NBEA: variants seen among roughly 807,000 people sequenced by gnomAD.
The protein encoded by NBEA is neurobeachin.
Under a neutral mutation model 343.4 loss-of-function variants are expected in NBEA, and 44 were observed. That is an observed-to-expected ratio of 0.13 (90% confidence interval 0.10 to 0.16). The LOEUF is 0.16. Among genes scored for constraint, NBEA ranks in the 10% least tolerant of loss-of-function variants. The pLI, the probability that NBEA is intolerant of heterozygous loss-of-function variation, is 1.00. For synonymous variants in NBEA, 1,175 were observed against 1,238.7 expected (o/e 0.95, Z 1.08); for missense variants, 2,555 against 3,631.3 (o/e 0.70, Z 7.62).
chr13:35,095,166 A>T (rs186826513), intron 10 of NBEA, among the ~76,000 whole-genome samples: 24 of 151,858 alleles, frequency 1.6e-4, no homozygotes, highest in African/African-American at 4.3e-4. Flanking sequence ...TCTAAATAAT[A>T]TAAGTACCTC....
At chr13:35,467,199 T>C (rs932734947) in intron 40 of NBEA, among the ~76,000 whole-genome samples, 2 of 152,104 alleles carry the variant, frequency 1.3e-5, no homozygotes, top group African/African-American at 4.8e-5. Context: ...TATGGCCAGG[T>C]GCGGTGGCTC....
chr13:35,118,924 C>T (rs2066645737), intron 16 of NBEA, among the ~76,000 whole-genome samples: 1 of 151,300 alleles, frequency 6.6e-6, no homozygotes, highest in Non-Finnish European at 1.5e-5. Context: ...AAATGTTGTG[C>T]TCAGATTGCT....
At chr13:35,331,408 C>G (rs1304011913) in intron 36 of NBEA, among the ~76,000 whole-genome samples, 1 of 151,946 alleles carries the variant, frequency 6.6e-6, no homozygotes, top group African/African-American at 2.4e-5. Flanking sequence ...GAAATTAAGA[C>G]ATAGGGAAAA....
intron 38 of NBEA, among the ~76,000 whole-genome samples, chr13:35,415,898 C>A (rs146500997): frequency 0.013 from 2,053 of 152,234 alleles, 58 homozygotes; most frequent in African/African-American, 0.047. Flanking sequence ...TTTGTGTCCT[C>A]TTTTATTTCA....
Position 35,024,520 on chromosome 13 carries a change from C to G in NBEA, c.295-16413C>G, listed in dbSNP as rs545410830. Among the ~76,000 whole-genome samples the G allele has an allele frequency of 5.5e-4, 84 of 151,376 alleles. 1 individual carries two copies. Among genetic ancestry groups the G allele is most frequent in the Non-Finnish European group, 8.9e-5 (6 of 67,766 alleles). ...AACTTTGTCTCCACTGAAAAAAAAA[C>G]AAAACAAAAATTAGCCAGGTGTGGT... is the stretch of plus-strand genomic sequence containing the variant. On this transcript the variant is annotated intron_variant, in intron 1 of 58. Coordinates refer to ENST00000379939, the MANE Select transcript of NBEA (RefSeq NM_001385012.1).
At chr13:35,305,451 G>C (rs2036827237) in intron 35 of NBEA, among the ~76,000 whole-genome samples, 1 of 152,032 alleles carries the variant, frequency 6.6e-6, no homozygotes, top group Non-Finnish European at 1.5e-5. Flanking sequence ...GTCTTATTGA[G>C]CGCTTTTGGT....
intron 1 of NBEA, among the ~76,000 whole-genome samples, chr13:35,035,042 A>G (rs1566190790): frequency 6.6e-6 from 1 of 151,394 alleles, no homozygotes; most frequent in African/African-American, 2.4e-5. Flanking sequence ...GATCTTTATT[A>G]TTTCTTTTCT....
chr13:34,983,975 T>C (rs1379782724), intron 1 of NBEA, among the ~76,000 whole-genome samples: 1 of 152,210 alleles, frequency 6.6e-6, no homozygotes, highest in African/African-American at 2.4e-5. Flanking sequence ...GGTAGCCTGT[T>C]CACTCTGATG....
intron 34 of NBEA, among the ~76,000 whole-genome samples, chr13:35,271,011 G>T (rs1049103705): frequency 4.6e-5 from 7 of 152,224 alleles, no homozygotes; most frequent in African/African-American, 1.7e-4. Context: ...CCCCAGCATG[G>T]CATTTGAGCT....
intron 41 of NBEA, chr13:35,475,234 C>T: frequency 1.2e-6 from 2 of 1,613,882 alleles, no homozygotes; most frequent in Admixed American, 1.7e-5. Flanking sequence ...CAGCAAAATC[C>T]CGTTCAGCCG....
At chr13:34,961,111 T>C (rs2059647241) in intron 1 of NBEA, among the ~76,000 whole-genome samples, 1 of 152,046 alleles carries the variant, frequency 6.6e-6, no homozygotes, top group Non-Finnish European at 1.5e-5. Context: ...CGGTATGCAT[T>C]TTATATTTTA....
In NBEA at chr13:35,156,229, C is replaced by A. The variant is rs372181665; in HGVS notation, c.2651+23C>A. On this transcript the variant is annotated intron_variant, in intron 20 of 58. Coordinates refer to ENST00000379939, the MANE Select transcript of NBEA (RefSeq NM_001385012.1). ...AAGGTAAGCAGTTTGGATACTGTAA[C>A]AACACTTTATTCCATAATTAATATT... 19 of 1,530,094 alleles carry A rather than the reference C, an allele frequency of 1.2e-5. No individual in the cohort carries two copies. In the South Asian group the frequency reaches 1.6e-4, roughly 13 times the overall value. The allele number at this position is 1,530,094 out of a possible 1,614,324, so 94.8% of individuals were successfully genotyped here. A position where few individuals can be genotyped will look rare whatever the true frequency, so the allele number is the denominator to read the frequency against.
chr13:35,245,013 G>C (rs554015607), intron 34 of NBEA, among the ~76,000 whole-genome samples: 4 of 152,032 alleles, frequency 2.6e-5, no homozygotes, highest in African/African-American at 9.6e-5. Context: ...GGAGTCTTTA[G>C]GTTTTTCTTT....
chr13:35,042,860 C>T (rs1402902403), intron 2 of NBEA, among the ~76,000 whole-genome samples: 1 of 151,676 alleles, frequency 6.6e-6, no homozygotes, highest in Non-Finnish European at 1.5e-5. Flanking sequence ...CACTAAAACA[C>T]GACTAACAGT....
At chr13:35,308,209 A>G (rs2037027396) in intron 35 of NBEA, among the ~76,000 whole-genome samples, 1 of 151,498 alleles carries the variant, frequency 6.6e-6, no homozygotes, top group Non-Finnish European at 1.5e-5. Context: ...TGAAGGGTTG[A>G]TACAGAGACT....
At chr13:35,563,043 C>T (rs1027127868) in intron 44 of NBEA, among the ~76,000 whole-genome samples, 3 of 151,804 alleles carry the variant, frequency 2.0e-5, no homozygotes, top group African/African-American at 7.2e-5. Flanking sequence ...AGATTAGTGT[C>T]ATAGGCTTGC....
chr13:35,404,529 T>C (rs1156387827), intron 38 of NBEA, among the ~76,000 whole-genome samples: 3 of 145,610 alleles, frequency 2.1e-5, no homozygotes, highest in Non-Finnish European at 4.5e-5. Flanking sequence ...CGCATATTCT[T>C]ACTCATAGGT....
intron 1 of NBEA, among the ~76,000 whole-genome samples, chr13:35,028,917 G>A (rs1243404593): frequency 2.6e-5 from 4 of 151,578 alleles, no homozygotes. Context: ...AATGTTTCAA[G>A]ATTAATCCAT....
intron 41 of NBEA, among the ~76,000 whole-genome samples, chr13:35,504,949 T>C (rs1421917406): frequency 6.6e-6 from 1 of 152,188 alleles, no homozygotes. Flanking sequence ...GTTGCTTATT[T>C]TTTGGTATAA....
Sources: gnomAD v4.1 joint callset for allele counts (sites outside exome capture counted in the v4.1 genomes callset) on GRCh38, gnomAD v4.1.1 for gene constraint, MANE v1.5 for transcripts, NCBI Gene and HGNC (gene_info 2026-07-23, HGNC 2026-07-21) for gene names.